NBEAL1: variants seen among roughly 807,000 people sequenced by gnomAD.
NBEAL1 encodes the protein neurobeachin like 1.
Under a neutral mutation model 351.3 loss-of-function variants are expected in NBEAL1, and 273 were observed. The observed-to-expected ratio is 0.78, with a 90% CI of 0.70 to 0.86. NBEAL1 has a LOEUF of 0.86. Ranked by LOEUF, NBEAL1 falls within the 40% of genes least tolerant of loss-of-function variation. The pLI, the probability that NBEAL1 is intolerant of heterozygous loss-of-function variation, is 0.00. For synonymous variants in NBEAL1, 1,050 were observed against 1,086.4 expected, an observed-to-expected ratio of 0.97 and a Z score of 0.66; for missense variants, 2,961 against 3,201.3, an observed-to-expected ratio of 0.92 and a Z score of 1.81.
intron 19 of NBEAL1, among the ~76,000 whole-genome samples, chr2:203,122,695 T>C (rs2062856405): frequency 6.6e-6 from 1 of 152,210 alleles, no homozygotes; most frequent in Non-Finnish European, 1.5e-5. Context: ...TTTTCCTTTT[T>C]CATTGGCCTC....
chr2:203,083,581 C>G, intron 9 of NBEAL1, 56 bp downstream of exon 9: 1 of 1,334,124 alleles, frequency 7.5e-7, no homozygotes, highest in Non-Finnish European at 1.0e-6. Context: ...TTCATATCTA[C>G]CACTTTCTTT....
chr2:203,112,103 G>A lies in NBEAL1; in HGVS notation c.2202+5G>A. 1.3e-6 allele frequency: 2 copies of A among 1,550,876 alleles called. No individual in the cohort carries two copies. Among genetic ancestry groups the A allele is most frequent in the Non-Finnish European group, 1.7e-6 (2 of 1,146,856 alleles). On this transcript the variant is annotated splice_donor_5th_base_variant and intron_variant, in intron 16 of 55. Coordinates refer to ENST00000683969, the MANE Select transcript of NBEAL1 (RefSeq NM_001378026.1). Reference sequence around the variant, plus strand: ...AGATTTCCTGCCATGAATGAAGTAAGTATATCCAACCTACTCTTTACGGGC... The same window carrying A: ...AGATTTCCTGCCATGAATGAAGTAAATATATCCAACCTACTCTTTACGGGC...
At chr2:203,040,670 T>C in intron 2 of NBEAL1, 1 of 641,140 alleles carries the variant, frequency 1.6e-6, no homozygotes, top group Non-Finnish European at 2.9e-6. Context: ...TTGGAAGACC[T>C]CATTCATGAA....
chr2:203,166,115 A>C, intron 36 of NBEAL1, 34 bp from the exon 37 acceptor site: 1 of 1,507,068 alleles, frequency 6.6e-7, no homozygotes, highest in South Asian at 1.3e-5. Context: ...TAAATGGTTG[A>C]ATTTTTCTGT....
rs555207613 is a variant in NBEAL1 at position 203,016,136 on chromosome 2, G to A, written c.-229-20G>A. ...GTATGGCCTCTTTTTCTAACCTGTGGATGTTTTTCTCTTTCACAGATTTAT... is the reference window on the plus strand; with the variant it reads ...GTATGGCCTCTTTTTCTAACCTGTGAATGTTTTTCTCTTTCACAGATTTAT... On this transcript the variant is annotated intron_variant, in intron 1 of 55. Transcript: ENST00000683969. 5.1e-5 allele frequency: 17 copies of A among 336,292 alleles called. No homozygotes were observed. Among genetic ancestry groups the A allele is most frequent in the Non-Finnish European group, 8.0e-5 (15 of 188,642 alleles). 20.8% of individuals were successfully genotyped at this position (336,292 alleles called of 1,614,324 possible).
chr2:203,085,442 A>G (rs1389630272), intron 10 of NBEAL1: 2 of 152,310 alleles, frequency 1.3e-5, no homozygotes, highest in African/African-American at 4.8e-5. Context: ...TTGTGTACCA[A>G]TTGTGTATCA....
rs201657702 is a variant in NBEAL1 at position 203,099,646 on chromosome 2, G to T, written c.1203G>T (p.Leu401Phe). The T allele has an allele frequency of 2.8e-4, 435 of 1,549,374 alleles. No homozygotes were observed. The Middle Eastern group carries it at 3.7e-3, about 13-fold the overall frequency. Residue 401 changes from leucine (L) to phenylalanine (F), a missense_variant, in exon 12 of 56, where the codon TTG (leucine) becomes TTT (phenylalanine). Coordinates refer to ENST00000683969, the MANE Select transcript of NBEAL1 (RefSeq NM_001378026.1). The part of the protein sequence containing the change: ...MNEDQVFQGQ[L>F]DCLAISTIQA... ...CTCAATAGGTGTTTCAGGGACAATT[G>T]GATTGTTTGGCCATATCAACCATTC...
chr2:203,213,778 C>T, intron 55 of NBEAL1, 125 bp downstream of exon 55: 1 of 1,522,804 alleles, frequency 6.6e-7, no homozygotes, highest in Non-Finnish European at 8.8e-7. Context: ...TTTGATTTTT[C>T]AAAAGGCAGT....
chr2:203,083,465 A>C lies in NBEAL1; in HGVS notation c.931A>C (p.Asn311His). 6.4e-7 allele frequency: 1 copy of C among 1,552,710 alleles called. No homozygotes were observed. The highest frequency in any genetic ancestry group is 2.4e-5 in the East Asian group (1 of 41,340). The change falls in exon 9 of 56, where the codon AAT (asparagine) becomes CAT (histidine). Residue 311 changes from asparagine to histidine, a missense_variant. Physicochemically the swap from Asn to His is moderately conservative, Grantham distance 68. Coordinates refer to ENST00000683969, the MANE Select transcript of NBEAL1 (RefSeq NM_001378026.1). Reference sequence around the variant, plus strand: ...AAATTCAGATCATTCAGCTTTACCTAATCAAAGGAGGTCCAGACAGTGGGA... The same window carrying C: ...AAATTCAGATCATTCAGCTTTACCTCATCAAAGGAGGTCCAGACAGTGGGA... Reference protein sequence around the residue: ...LLNSDHSALPNQRRSRQWENR... With the variant: ...LLNSDHSALPHQRRSRQWENR...
intron 3 of NBEAL1, among the ~76,000 whole-genome samples, chr2:203,047,395 A>T (rs1574892972): frequency 6.6e-6 from 1 of 152,344 alleles, no homozygotes; most frequent in Middle Eastern, 3.4e-3. Flanking sequence ...ATATTAACAG[A>T]ATATTAAATA....
intron 47 of NBEAL1, among the ~76,000 whole-genome samples, chr2:203,195,626 C>G (rs2065220356): frequency 6.6e-6 from 1 of 152,128 alleles, no homozygotes; most frequent in South Asian, 2.1e-4. Flanking sequence ...GGATACAAAG[C>G]AACATCAGCA....
At chr2:203,030,061 A>G (rs1028236871) in intron 2 of NBEAL1, among the ~76,000 whole-genome samples, 5 of 152,224 alleles carry the variant, frequency 3.3e-5, no homozygotes, top group Non-Finnish European at 5.9e-5. Flanking sequence ...TAAAGGATCT[A>G]TAGTAGCTTA....
chr2:203,140,410 G>A (rs1294880590), intron 31 of NBEAL1, among the ~76,000 whole-genome samples: 1 of 151,400 alleles, frequency 6.6e-6, no homozygotes, highest in Non-Finnish European at 1.5e-5. Flanking sequence ...CTTCTTTCTT[G>A]TTCTATGAAT....
chr2:203,139,862 G>A (rs1040849916), intron 31 of NBEAL1, among the ~76,000 whole-genome samples: 173 of 150,918 alleles, frequency 1.1e-3, no homozygotes, highest in African/African-American at 4.0e-3. Flanking sequence ...CACTGCCCCC[G>A]GTCACTCTAT....
intron 35 of NBEAL1, among the ~76,000 whole-genome samples, chr2:203,157,375 C>A (rs912718271): frequency 1.3e-5 from 2 of 152,026 alleles, no homozygotes; most frequent in Admixed American, 6.6e-5. Context: ...TAGAATATTT[C>A]TTCCTTTGAC....
intron 26 of NBEAL1, among the ~76,000 whole-genome samples, 164 bp downstream of exon 26, chr2:203,132,296 G>A (rs1281368714): frequency 6.6e-6 from 1 of 152,052 alleles, no homozygotes; most frequent in Non-Finnish European, 1.5e-5. Flanking sequence ...GTCTCCCCGG[G>A]GCGTAGCACA....
intron 55 of NBEAL1, among the ~76,000 whole-genome samples, chr2:203,216,952 C>T (rs116219813): frequency 0.091 from 13,906 of 152,020 alleles, 752 homozygotes; most frequent in Non-Finnish European, 0.12. Context: ...TACAGGCGTG[C>T]GCCACCATGT....
At position 203,193,888 on chromosome 2, in the gene NBEAL1, G is replaced by A; in HGVS notation, c.7015G>A (p.Glu2339Lys). The A allele has an allele frequency of 6.2e-7, 1 of 1,606,686 alleles. No homozygotes were observed. The highest frequency in any genetic ancestry group is 8.5e-7 in the Non-Finnish European group (1 of 1,175,366). ...STLNLFQHLP[E>K]LKSFFIEGIS... ...CCTAAACCTGTTTCAACACCTTCCT[G>A]AACTCAAGTCATTTTTTATAGAGGT... Residue 2339 changes from glutamate to lysine, a missense_variant, in exon 47 of 56, where the codon GAA (glutamate) becomes AAA (lysine). Transcript: ENST00000683969.
chr2:203,098,636 A>C (rs1279258408), intron 11 of NBEAL1, among the ~76,000 whole-genome samples: 2 of 152,258 alleles, frequency 1.3e-5, no homozygotes, highest in East Asian at 3.9e-4. Flanking sequence ...AATTTAACAT[A>C]TCTCTTCTTT....
Sources: gnomAD v4.1 joint callset for allele counts (sites outside exome capture counted in the v4.1 genomes callset) on GRCh38, gnomAD v4.1.1 for gene constraint, MANE v1.5 for transcripts, NCBI Gene and HGNC (gene_info 2026-07-23, HGNC 2026-07-21) for gene names.